FHIT: variants seen among roughly 807,000 people sequenced by gnomAD.
FHIT encodes bis(5'-adenosyl)-triphosphatase.
In FHIT, 19 loss-of-function variants were observed where a neutral mutation model predicts 17.9. That is an observed-to-expected ratio of 1.06 (90% CI 0.74 to 1.56). The LOEUF (loss-of-function observed/expected upper bound fraction) is 1.56. Ranked by LOEUF, FHIT falls within the 40% of genes most tolerant of loss-of-function variation. The probability of loss-of-function intolerance (pLI) is 0.00; values close to 1 mark genes in which losing one functional copy is unlikely to be tolerated. For synonymous variants in FHIT, 81 were observed against 69.7 expected, an observed-to-expected ratio of 1.16 and a Z score of -0.81; for missense variants, 248 against 189.2, an observed-to-expected ratio of 1.31 and a Z score of -1.82.
intron 2 of FHIT, among the ~76,000 whole-genome samples, chr3:61,186,692 C>G (rs555194840): frequency 7.2e-5 from 11 of 152,302 alleles, no homozygotes; most frequent in African/African-American, 2.6e-4. Flanking sequence ...ACCATCTAAC[C>G]TTTTGTCAAA....
chr3:60,472,182 C>G (rs1454115596), intron 5 of FHIT, among the ~76,000 whole-genome samples: 1 of 151,246 alleles, frequency 6.6e-6, no homozygotes, highest in Non-Finnish European at 1.5e-5. Flanking sequence ...GCAAAAACAA[C>G]AGCAAGAGGA....
intron 5 of FHIT, among the ~76,000 whole-genome samples, chr3:60,071,287 C>T (rs959986057): frequency 6.6e-6 from 1 of 152,330 alleles, no homozygotes; most frequent in South Asian, 2.1e-4. Context: ...ATTTTCTACA[C>T]AGCTTATATG....
intron 5 of FHIT, among the ~76,000 whole-genome samples, chr3:60,380,052 C>A (rs1006604426): frequency 2.6e-5 from 4 of 152,198 alleles, no homozygotes; most frequent in Non-Finnish European, 5.9e-5. Flanking sequence ...TATTATCTCA[C>A]TTAAGCCTCA....
chr3:60,477,406 C>T (rs2033400433), intron 5 of FHIT, among the ~76,000 whole-genome samples: 1 of 152,070 alleles, frequency 6.6e-6, no homozygotes, highest in African/African-American at 2.4e-5. Flanking sequence ...AGTGTTTATG[C>T]CTGCCTTTGG....
intron 5 of FHIT, among the ~76,000 whole-genome samples, chr3:60,528,030 G>A (rs1308216201): frequency 6.6e-6 from 1 of 152,356 alleles, no homozygotes; most frequent in Non-Finnish European, 1.5e-5. Flanking sequence ...CTAGAGTGCA[G>A]AGGTGCAATC....
chr3:59,926,406 T>C (rs1341658275), intron 7 of FHIT, among the ~76,000 whole-genome samples: 1 of 152,206 alleles, frequency 6.6e-6, no homozygotes, highest in African/African-American at 2.4e-5. Flanking sequence ...AGAGCTTATA[T>C]TCCAATGGGT....
chr3:59,937,691 G>A (rs958668584), intron 7 of FHIT, among the ~76,000 whole-genome samples: 1 of 152,194 alleles, frequency 6.6e-6, no homozygotes, highest in East Asian at 1.9e-4. Context: ...TCTTTCAAAG[G>A]AACATTATTC....
chr3:60,957,233 C>CTTTTTTTTTTTTTTTTTTT (rs35221092), intron 3 of FHIT, among the ~76,000 whole-genome samples: 1 of 97,140 alleles, frequency 1.0e-5, no homozygotes, highest in African/African-American at 4.0e-5. Context: ...TTCTTTCTTT[C>CTTTTTTTTTTTTTTTTTTT]TTTTTTTTTT....
intron 8 of FHIT, among the ~76,000 whole-genome samples, chr3:59,863,810 C>A (rs956144072): frequency 6.6e-6 from 1 of 152,208 alleles, no homozygotes. Flanking sequence ...TTAACCAAAG[C>A]ATTGCAGCTC....
At chr3:60,223,862 G>A (rs1172920334) in intron 5 of FHIT, among the ~76,000 whole-genome samples, 1 of 151,958 alleles carries the variant, frequency 6.6e-6, no homozygotes, top group Non-Finnish European at 1.5e-5. Context: ...CTTGGTTCTG[G>A]CCCACAAGTC....
chr3:61,213,863 C>T (rs147048489), intron 1 of FHIT, among the ~76,000 whole-genome samples: 5,017 of 152,204 alleles, frequency 0.033, 111 homozygotes, highest in African/African-American at 0.05. Flanking sequence ...CACTCAAAAC[C>T]GCTCAATTAC....
chr3:60,022,123 G>C (rs1187775274), intron 5 of FHIT, among the ~76,000 whole-genome samples: 1 of 152,156 alleles, frequency 6.6e-6, no homozygotes, highest in Non-Finnish European at 1.5e-5. Flanking sequence ...TGTTTCAGAG[G>C]ATGTTCTTTG....
chr3:60,554,643 T>C (rs888209382), intron 4 of FHIT, among the ~76,000 whole-genome samples: 3 of 152,208 alleles, frequency 2.0e-5, no homozygotes, highest in African/African-American at 7.2e-5. Context: ...TAAGAAACAT[T>C]GGGTCTTTTA....
intron 7 of FHIT, among the ~76,000 whole-genome samples, chr3:60,003,204 A>G (rs73089929): frequency 0.1 from 15,526 of 152,180 alleles, 949 homozygotes; most frequent in Admixed American, 0.13. Context: ...CCCACATTGC[A>G]CTGCTTCCCC....
chr3:60,871,523 G>A (rs1417345472), intron 3 of FHIT, among the ~76,000 whole-genome samples: 1 of 152,108 alleles, frequency 6.6e-6, no homozygotes, highest in East Asian at 1.9e-4. Flanking sequence ...GGTATATAAT[G>A]ATACTTTCCA....
intron 5 of FHIT, among the ~76,000 whole-genome samples, chr3:60,339,842 G>A (rs576378589): frequency 6.6e-6 from 1 of 152,216 alleles, no homozygotes; most frequent in East Asian, 1.9e-4. Context: ...TTGTTGCTAT[G>A]CACGCTCATT....
chr3:60,887,500 G>C (rs1469874877), intron 3 of FHIT, among the ~76,000 whole-genome samples: 1 of 151,972 alleles, frequency 6.6e-6, no homozygotes, highest in Non-Finnish European at 1.5e-5. Context: ...ACAAAAATTA[G>C]CCAGGCGTGG....
At chr3:61,203,836 TTC>T (rs2039114003) in intron 1 of FHIT, among the ~76,000 whole-genome samples, 2 of 152,218 alleles carry the variant, frequency 1.3e-5, no homozygotes. Context: ...CAGCATTTCT[TTC>T]TCTGTCTATA....
At chr3:60,818,500 G>C (rs1472702658) in intron 4 of FHIT, among the ~76,000 whole-genome samples, 1 of 152,088 alleles carries the variant, frequency 6.6e-6, no homozygotes, top group Non-Finnish European at 1.5e-5. Context: ...GCTCCATCAA[G>C]AATATACACA....
Sources: gnomAD v4.1 joint callset for allele counts (sites outside exome capture counted in the v4.1 genomes callset) on GRCh38, gnomAD v4.1.1 for gene constraint, MANE v1.5 for transcripts, NCBI Gene and HGNC (gene_info 2026-07-23, HGNC 2026-07-21) for gene names.